The following ZFP92 variants were observed in gnomAD, a reference collection of about 807,000 sequenced individuals.
The protein encoded by ZFP92 is zinc finger protein 92 homolog.
Under a neutral mutation model 7.6 loss-of-function variants are expected in ZFP92, and 2 were observed. The ratio of observed to expected loss-of-function variants is 0.26; its 90% confidence interval spans 0.11 to 0.83. ZFP92 has a LOEUF of 0.83. ZFP92 is among the 40% of genes least tolerant of loss of function. The pLI is 0.65. For missense variants in ZFP92, 324 were observed against 408.3 expected, an observed-to-expected ratio of 0.79 and a Z score of 1.78; for synonymous variants, 226 against 183.6, an observed-to-expected ratio of 1.23 and a Z score of -1.87.
rs189576530 is a variant in ZFP92, at chrX:153,422,794, A to G, written c.*1166A>G. 8.9e-6 allele frequency: 1 copy of G among 112,584 alleles called. No individual in the cohort carries two copies. Among genetic ancestry groups the G allele is most frequent in the African/African-American group, 3.2e-5 (1 of 30,932 alleles). 9.3% of individuals were successfully genotyped at this position (112,584 alleles called of 1,213,427 possible). On this transcript the variant is annotated 3_prime_UTR_variant, in exon 6 of 6. Transcript: ENST00000338647. ...TTGATTGTTTTTGTATTCAGGGGTA[A>G]TGTATATTGAAAATAGAGATTTTGC...
rs1556975032 is a variant in ZFP92, at chrX:153,421,201, G to A, written c.824G>A (p.Arg275His). ...CCAGAGTGCGGCAAGGCCTTCAGCC[G>A]CAGCTCCAACCTCATCGAGCACCAG... ...ACPECGKAFS[R>H]SSNLIEHQRT... Residue 275 changes from arginine to histidine, a missense_variant, in exon 6 of 6, where the codon CGC becomes CAC. By Grantham distance (29) the Arg-to-His change is conservative (BLOSUM62 0). Transcript: ENST00000338647. 1.7e-6 allele frequency: 2 copies of A among 1,188,307 alleles called. No homozygotes were observed. The highest frequency in any genetic ancestry group is 2.4e-5 in the Admixed American group (1 of 42,376).
At chrX:153,420,403 A>C in intron 5 of ZFP92, 71 bp downstream of exon 5, 1 of 883,248 alleles carries the variant, frequency 1.1e-6, no homozygotes, top group Non-Finnish European at 1.6e-6. Context: ...GGGGCGGGGG[A>C]GGGTACCCTG....
Position 153,421,241 on chromosome X carries a change from C to T in ZFP92, c.864C>T (p.Gly288=). ...TCGAGCACCAGCGCACGCACCGCGG[C>T]GAGAAGCCCTACGCCTGCGGCCAGT... is the stretch of plus-strand genomic sequence containing the variant. The part of the protein sequence containing the change: ...NLIEHQRTHR[G]EKPYACGQCA... The change falls in exon 6 of 6, where the codon GGC becomes GGT. Residue 288 remains glycine (G), a synonymous_variant. Transcript: ENST00000338647. 8.5e-7 allele frequency: 1 copy of T among 1,179,339 alleles called. No homozygotes were observed. The highest frequency in any genetic ancestry group is 1.1e-6 in the Non-Finnish European group (1 of 879,575).
rs375520223 is a variant in ZFP92 at position 153,425,802 on chromosome X, G to C, written c.*4174G>C. 1 of 111,140 alleles carries C rather than the reference G, an allele frequency of 9.0e-6. No individual in the cohort carries two copies. The highest frequency in any genetic ancestry group is 1.9e-5 in the Non-Finnish European group (1 of 52,959). The allele number at this position is 111,140 out of a possible 1,213,427, so 9.2% of individuals were successfully genotyped here. ...CTATCACTGTCTTCACAAAACGGGG[G>C]TCCTCCAGGAGTTCTGGACAGCTGC... On this transcript the variant is annotated 3_prime_UTR_variant, in exon 6 of 6. Coordinates refer to ENST00000338647, the MANE Select transcript of ZFP92 (RefSeq NM_001136273.2).
Position 153,421,534 on chromosome X carries a change from GC to G in ZFP92, c.1160del (p.Pro387LeufsTer87). The G allele has an allele frequency of 9.0e-7, 1 of 1,115,797 alleles. No homozygotes were observed. The allele number at this position is 1,115,797 out of a possible 1,213,427, so 92.0% of individuals were successfully genotyped here. ...AKAETARRLAGPGSTGPGSAV... is the reference protein window; with the variant it reads ...AKAETARRLAXPGSTGPGSAV... ...GCGGAGACGGCGCGGAGGCTAGCGG[GC>G]CCTGGGAGCACCGGCCCTGGGAGCG... is the stretch of plus-strand genomic sequence containing the variant. On this transcript the variant is annotated frameshift_variant, in exon 6 of 6. Coordinates refer to ENST00000338647, the MANE Select transcript of ZFP92 (RefSeq NM_001136273.2). LOFTEE classifies it low-confidence loss of function (END_TRUNC).
chrX:153,411,584 C>G lies in ZFP92; in HGVS notation c.-187C>G, dbSNP rs1556972956. On this transcript the variant is annotated 5_prime_UTR_variant, in exon 1 of 6. Transcript: ENST00000338647. The stretch of plus-strand genomic sequence containing the variant: ...GACAAGCCCAGGAGCCCCCACCCCC[C>G]GCCCGCGTTTCCTGGGGACGCGGCC... Among the ~76,000 whole-genome samples, 1 of 113,039 alleles carries G rather than the reference C, an allele frequency of 8.8e-6. No individual in the cohort carries two copies. The highest frequency in any genetic ancestry group is 1.9e-5 in the Non-Finnish European group (1 of 53,190).
Position 153,421,673 on chromosome X carries a change from C to T in ZFP92, c.*45C>T. ...GGGCGCGGCCGGTCTGCGTGGGGGGCCTTCCTGGGGACGTCGAGGCTCAGC... is the reference window on the plus strand; with the variant it reads ...GGGCGCGGCCGGTCTGCGTGGGGGGTCTTCCTGGGGACGTCGAGGCTCAGC... On this transcript the variant is annotated 3_prime_UTR_variant, in exon 6 of 6. Coordinates refer to ENST00000338647, the MANE Select transcript of ZFP92 (RefSeq NM_001136273.2). The T allele has an allele frequency of 1.1e-6, 1 of 930,907 alleles. No homozygotes were observed. Among genetic ancestry groups the T allele is most frequent in the South Asian group, 4.4e-5 (1 of 22,726 alleles). The allele number at this position is 930,907 out of a possible 1,213,427, so 76.7% of individuals were successfully genotyped here. A position where few individuals can be genotyped will look rare whatever the true frequency, so the allele number is the denominator to read the frequency against.
intron 2 of ZFP92, among the ~76,000 whole-genome samples, chrX:153,414,496 C>G (rs5987100): frequency 9.0e-6 from 1 of 110,692 alleles, no homozygotes; most frequent in Non-Finnish European, 1.9e-5. Flanking sequence ...TACAGACACG[C>G]GCCACCACAC....
chrX:153,411,484 C>A lies in ZFP92; in HGVS notation c.-287C>A, dbSNP rs1556972913. 8.9e-6 allele frequency among the ~76,000 whole-genome samples: 1 copy of A among 112,382 alleles called. No individual in the cohort carries two copies. The highest frequency in any genetic ancestry group is 1.9e-5 in the Non-Finnish European group (1 of 53,009). ...CCGCCCCGGCCCCGCCCGCTCCCGG[C>A]CCGCTCGTCGGCGCACCAGACTGAG... On this transcript the variant is annotated 5_prime_UTR_variant, in exon 1 of 6. Transcript: ENST00000338647.
Position 153,421,907 on chromosome X carries a change from C to T in ZFP92, c.*279C>T, listed in dbSNP as rs2089008371. On this transcript the variant is annotated 3_prime_UTR_variant, in exon 6 of 6. Transcript: ENST00000338647. ...GAGGCCCTCTACTCCCTCCTGAGTC[C>T]TGGGCCTTGCAACTGAGGCACATAG... 1 of 205,207 alleles carries T rather than the reference C, an allele frequency of 4.9e-6. No individual in the cohort carries two copies. Among genetic ancestry groups the T allele is most frequent in the African/African-American group, 3.0e-5 (1 of 33,290 alleles). The allele number at this position is 205,207 out of a possible 1,213,427, so 16.9% of individuals were successfully genotyped here. A position where few individuals can be genotyped will look rare whatever the true frequency, so the allele number is the denominator to read the frequency against.
chrX:153,418,633 G>C, intron 3 of ZFP92, 40 bp from the exon 4 acceptor site: 3 of 1,163,885 alleles, frequency 2.6e-6, no homozygotes, highest in South Asian at 1.9e-5. Context: ...GGGCCCAGGG[G>C]GTTGAATTCC....
At position 153,420,683 on chromosome X, in the gene ZFP92, G is replaced by A. The variant is rs2088991157; in HGVS notation, c.306G>A (p.Lys102=). ...TQSKTSTSTQ[K]HSGRQLPGAD... ...GCAAGACGTCGACTTCAACGCAGAA[G>A]CATTCTGGACGACAACTCCCCGGGG... The change falls in exon 6 of 6, where the codon AAG becomes AAA. Residue 102 remains lysine (K), a synonymous_variant. Coordinates refer to ENST00000338647, the MANE Select transcript of ZFP92 (RefSeq NM_001136273.2). 1.8e-6 allele frequency: 2 copies of A among 1,124,784 alleles called. No homozygotes were observed. Among genetic ancestry groups the A allele is most frequent in the Non-Finnish European group, 2.3e-6 (2 of 851,583 alleles). The allele number at this position is 1,124,784 out of a possible 1,213,427, so 92.7% of individuals were successfully genotyped here.
At position 153,423,490 on chromosome X, in the gene ZFP92, AG is replaced by A. The variant is rs1446920502; in HGVS notation, c.*1863del. On this transcript the variant is annotated 3_prime_UTR_variant, in exon 6 of 6. Transcript: ENST00000338647. The stretch of plus-strand genomic sequence containing the variant: ...TTCTTGTAAGTTGCACTTATACCGT[AG>A]CCTCCTTCAGTGTGTCCCTATTCCC... The A allele has an allele frequency of 8.9e-6, 1 of 111,825 alleles. No homozygotes were observed. Among genetic ancestry groups the A allele is most frequent in the Admixed American group, 9.4e-5 (1 of 10,596 alleles). 9.2% of individuals were successfully genotyped at this position (111,825 alleles called of 1,213,427 possible).
chrX:153,424,667 G>A lies in ZFP92; in HGVS notation c.*3039G>A, dbSNP rs782366103. ...CAACCTGGGACCCCTTTGTCTTTGG[G>A]CTTTTGCCCTTTGAAACTGTGAATG... On this transcript the variant is annotated 3_prime_UTR_variant, in exon 6 of 6. Transcript: ENST00000338647. 6.6e-4 allele frequency: 74 copies of A among 112,236 alleles called. No individual in the cohort carries two copies. The highest frequency in any genetic ancestry group is 2.3e-3 in the African/African-American group (72 of 30,933). The allele number at this position is 112,236 out of a possible 1,213,427, so 9.2% of individuals were successfully genotyped here.
chrX:153,422,088 C>CG lies in ZFP92; in HGVS notation c.*464dup, dbSNP rs1244513378. ...GTGAGGCCAGTGAGGCCAGCCAGCG[C>CG]GGGGCACGCTGGCTTTGAGTTACAG... On this transcript the variant is annotated 3_prime_UTR_variant, in exon 6 of 6. Coordinates refer to ENST00000338647, the MANE Select transcript of ZFP92 (RefSeq NM_001136273.2). 8.8e-6 allele frequency: 1 copy of CG among 113,696 alleles called. No individual in the cohort carries two copies. The highest frequency in any genetic ancestry group is 2.8e-4 in the East Asian group (1 of 3,580). 9.4% of individuals were successfully genotyped at this position (113,696 alleles called of 1,213,427 possible).
chrX:153,415,630 G>A (rs995226737), intron 2 of ZFP92, among the ~76,000 whole-genome samples: 1 of 111,455 alleles, frequency 9.0e-6, no homozygotes, highest in Non-Finnish European at 1.9e-5. Flanking sequence ...TGGAATTGCC[G>A]GGTCATATGA....
rs1556974842 is a variant in ZFP92 at position 153,420,929 on chromosome X, G to A, written c.552G>A (p.Glu184=). The change falls in exon 6 of 6, where the codon GAG becomes GAA. Residue 184 remains glutamate, a synonymous_variant. Transcript: ENST00000338647. The stretch of plus-strand genomic sequence containing the variant: ...GCGAGAAGCCTTACGCGTGCCCCGA[G>A]TGCGGCAAGCTGTTTCGCCGCAGCT... The part of the protein sequence containing the change: ...HSGEKPYACP[E]CGKLFRRSFA... 1 of 1,191,629 alleles carries A rather than the reference G, an allele frequency of 8.4e-7. No individual in the cohort carries two copies. Among genetic ancestry groups the A allele is most frequent in the African/African-American group, 1.7e-5 (1 of 57,394 alleles).
intron 2 of ZFP92, among the ~76,000 whole-genome samples, chrX:153,416,051 T>TC (rs1265852973): frequency 4.5e-5 from 5 of 110,860 alleles, no homozygotes; most frequent in African/African-American, 6.6e-5. Flanking sequence ...GTCTCCTTTC[T>TC]CCCCCCATGA....
At chrX:153,417,494 T>G (rs889719872) in intron 2 of ZFP92, among the ~76,000 whole-genome samples, 4 of 112,048 alleles carry the variant, frequency 3.6e-5, no homozygotes, top group Non-Finnish European at 5.6e-5. Flanking sequence ...AGGTCGTACA[T>G]GTGCATTTGG....
Sources: gnomAD v4.1 joint callset for allele counts (sites outside exome capture counted in the v4.1 genomes callset) on GRCh38, gnomAD v4.1.1 for gene constraint, MANE v1.5 for transcripts, NCBI Gene and HGNC (gene_info 2026-07-23, HGNC 2026-07-21) for gene names.